Variants in PIK3C2B observed in about 807,000 individuals in gnomAD.
PIK3C2B encodes the protein phosphatidylinositol-4-phosphate 3-kinase catalytic subunit type 2 beta.
A neutral mutation model predicts 184.3 loss-of-function variants in PIK3C2B; 83 were observed. The ratio of observed to expected loss-of-function variants is 0.45; its 90% confidence interval spans 0.38 to 0.54. PIK3C2B has a LOEUF of 0.54. PIK3C2B is among the 20% of genes least tolerant of loss of function. The pLI, the probability that PIK3C2B is intolerant of heterozygous loss-of-function variation, is 0.00. For synonymous variants in PIK3C2B, 779 were observed against 837.6 expected, an observed-to-expected ratio of 0.93 and a Z score of 1.21; for missense variants, 1,736 against 2,113.5, an observed-to-expected ratio of 0.82 and a Z score of 3.50.
In PIK3C2B at chr1:204,440,333, G is replaced by A. The variant is rs1202167199; in HGVS notation, c.3250-12C>T. ...AGGTCGTCCCCACACTGGATGGAGG[G>A]AGAAAGTGACCAGATCTAATCTCCA... On this transcript the variant is annotated splice_polypyrimidine_tract_variant and intron_variant, in intron 21 of 32. Transcript: ENST00000684373. 1.9e-6 allele frequency: 3 copies of A among 1,573,312 alleles called. No individual in the cohort carries two copies. Among genetic ancestry groups the A allele is most frequent in the Non-Finnish European group, 1.7e-6 (2 of 1,158,810 alleles).
chr1:204,440,912 C>G (rs1209761564), intron 21 of PIK3C2B, among the ~76,000 whole-genome samples: 1 of 152,122 alleles, frequency 6.6e-6, no homozygotes, highest in Non-Finnish European at 1.5e-5. Flanking sequence ...CACACCCAGG[C>G]CATCAGGCCT....
chr1:204,479,980 G>A (rs1369318169), intron 1 of PIK3C2B, among the ~76,000 whole-genome samples: 4 of 152,204 alleles, frequency 2.6e-5, no homozygotes, highest in Admixed American at 6.5e-5. Context: ...GAGAGGCCAC[G>A]GCAGAGGAGC....
chr1:204,456,909 CACACACACACACACA>C, intron 10 of PIK3C2B, 113 bp downstream of exon 10: 1 of 161,186 alleles, frequency 6.2e-6, no homozygotes, highest in African/African-American at 3.1e-5. Context: ...CACACACACC[CACACACACACACACA>C]CCAGCCGAAC....
intron 18 of PIK3C2B, 99 bp downstream of exon 18, chr1:204,443,969 C>G: frequency 2.4e-6 from 2 of 846,430 alleles, no homozygotes; most frequent in South Asian, 2.8e-5. Context: ...CATACTGAAG[C>G]CCGGACAACT....
chr1:204,472,203 G>A (rs907289958), intron 1 of PIK3C2B, among the ~76,000 whole-genome samples: 19 of 147,902 alleles, frequency 1.3e-4, no homozygotes, highest in East Asian at 2.0e-4. Context: ...TCACTCTGTC[G>A]CCCAGGCTGG....
At chr1:204,480,957 T>C (rs774961270) in intron 1 of PIK3C2B, among the ~76,000 whole-genome samples, 42 of 152,076 alleles carry the variant, frequency 2.8e-4, no homozygotes, top group Non-Finnish European at 7.4e-5. Context: ...CAGTTAATGC[T>C]AACTCCTCAA....
At chr1:204,437,133 A>G (rs1675386863) in intron 23 of PIK3C2B, among the ~76,000 whole-genome samples, 1 of 152,114 alleles carries the variant, frequency 6.6e-6, no homozygotes, top group Non-Finnish European at 1.5e-5. Context: ...CTGGATTATA[A>G]AAGGCTCTGT....
Position 204,469,161 on chromosome 1 carries a change from C to T in PIK3C2B, c.642G>A (p.Leu214=). The change falls in exon 2 of 33, where the codon CTG becomes CTA. Residue 214 remains leucine, a synonymous_variant. Transcript: ENST00000684373. ...EHRILEEEEV[L]GGGGQGRLLG... Reference sequence around the variant, plus strand: ...GTAGGCGCCCCTGACCCCCACCTCCCAGCACCTCTTCCTCTTCTAGGATCC... The same window carrying T: ...GTAGGCGCCCCTGACCCCCACCTCCTAGCACCTCTTCCTCTTCTAGGATCC... 8 of 1,614,174 alleles carry T rather than the reference C, an allele frequency of 5.0e-6. No individual in the cohort carries two copies. The highest frequency in any genetic ancestry group is 6.8e-6 in the Non-Finnish European group (8 of 1,180,010).
rs1014765549 is a variant in PIK3C2B at position 204,460,607 on chromosome 1, A to C, written c.1365T>G (p.Ile455Met). 6.2e-7 allele frequency: 1 copy of C among 1,614,062 alleles called. No individual in the cohort carries two copies. Among genetic ancestry groups the C allele is most frequent in the African/African-American group, 1.3e-5 (1 of 75,002 alleles). The stretch of plus-strand genomic sequence containing the variant: ...GCTCCATCAGCTGTAGCCGAATGTC[A>C]ATGTCAAACTTGCGGCAGTATTGGA... ...EYIQYCRKFD[I>M]DIRLQLMEQK... is the part of the protein sequence containing the mutation. The change falls in exon 6 of 33, where the codon ATT becomes ATG. Residue 455 changes from isoleucine (I) to methionine (M), a missense_variant. This residue lies in a region of PIK3C2B where 609 missense variants were observed against 699.2 expected (regional missense o/e 0.87). Transcript: ENST00000684373.
rs1039489677 is a variant in PIK3C2B at position 204,423,005 on chromosome 1, G to C, written c.*1847C>G. ...TGATCCTTGGAATTAGGGAGGGACA[G>C]TTTACAGAATGTCCTCATTTCACTC... On this transcript the variant is annotated 3_prime_UTR_variant, in exon 33 of 33. Transcript: ENST00000684373. 1 of 152,248 alleles carries C rather than the reference G, an allele frequency of 6.6e-6. No individual in the cohort carries two copies. The highest frequency in any genetic ancestry group is 1.5e-5 in the Non-Finnish European group (1 of 68,046). 9.4% of individuals were successfully genotyped at this position (152,248 alleles called of 1,614,324 possible). A position where few individuals can be genotyped will look rare whatever the true frequency, so the allele number is the denominator to read the frequency against.
In PIK3C2B at chr1:204,469,021, C is replaced by T. The variant is rs754614198; in HGVS notation, c.782G>A (p.Gly261Glu). Residue 261 changes from glycine (G) to glutamate (E), a missense_variant, in exon 2 of 33, where the codon GGG becomes GAG. By Grantham distance (98) the Gly-to-Glu change is moderately conservative (BLOSUM62 -2). Transcript: ENST00000684373. ...DATRGWKEGR[G>E]PLDFSKDTSG... ...GGTGTCTTTGCTGAAGTCCAGCGGC[C>T]CTCGGCCCTCCTTCCAGCCCCTGGT... is the stretch of plus-strand genomic sequence containing the variant. 1 of 1,614,186 alleles carries T rather than the reference C, an allele frequency of 6.2e-7. No homozygotes were observed. The highest frequency in any genetic ancestry group is 1.7e-5 in the Admixed American group (1 of 60,028).
At chr1:204,454,039 C>T (rs74849463) in intron 12 of PIK3C2B, among the ~76,000 whole-genome samples, 26,602 of 151,588 alleles carry the variant, frequency 0.18, 2,625 homozygotes, top group East Asian at 0.41. Context: ...CCTCCCAAAG[C>T]GCTGGGATTA....
At chr1:204,450,183 C>CA in intron 12 of PIK3C2B, 166 bp from the exon 13 acceptor site, 2 of 577,954 alleles carry the variant, frequency 3.5e-6, no homozygotes, top group Non-Finnish European at 6.0e-6. Context: ...GGAGAGGTCC[C>CA]AAACTAGGCA....
Position 204,431,536 on chromosome 1 carries a change from C to T in PIK3C2B, c.4280+133G>A. ...GAGCACTTGTCATCAAACTCCATAC[C>T]AGGCCAAGCAAAGCAGGCAGATGTT... On this transcript the variant is annotated intron_variant, in intron 28 of 32. Coordinates refer to ENST00000684373, the MANE Select transcript of PIK3C2B (RefSeq NM_001377334.1). 2.6e-6 allele frequency: 3 copies of T among 1,134,624 alleles called. No homozygotes were observed. The South Asian group carries it at 4.1e-5, about 15-fold the overall frequency. 70.3% of individuals were successfully genotyped at this position (1,134,624 alleles called of 1,614,324 possible).
In PIK3C2B at chr1:204,465,312, G is replaced by A. The variant is rs1655667714; in HGVS notation, c.941C>T (p.Ser314Phe). 3 of 1,610,514 alleles carry A rather than the reference G, an allele frequency of 1.9e-6. No homozygotes were observed. Among genetic ancestry groups the A allele is most frequent in the Admixed American group, 1.7e-5 (1 of 60,004 alleles). ...GCCATTGGCAACAGTGTGGGGCCGG[G>A]AGCCCACCTTTAAGAGAAGAGCAGA... ...NRRISAAPVG[S>F]RPHTVANGHE... Residue 314 changes from serine to phenylalanine, a missense_variant, in exon 3 of 33, where the codon TCC (serine) becomes TTC (phenylalanine). Ser to Phe is a radical substitution (Grantham distance 155, BLOSUM62 -2). Coordinates refer to ENST00000684373, the MANE Select transcript of PIK3C2B (RefSeq NM_001377334.1).
chr1:204,474,508 G>A (rs989427284), intron 1 of PIK3C2B, among the ~76,000 whole-genome samples: 1 of 152,206 alleles, frequency 6.6e-6, no homozygotes, highest in Non-Finnish European at 1.5e-5. Context: ...CATTGCTGCT[G>A]TATTTGGCTC....
chr1:204,469,803 G>A lies in PIK3C2B; in HGVS notation c.-1C>T. 1 of 1,606,356 alleles carries A rather than the reference G, an allele frequency of 6.2e-7. No individual in the cohort carries two copies. The highest frequency in any genetic ancestry group is 8.5e-7 in the Non-Finnish European group (1 of 1,172,964). ...CCCCATTGCCCTGAGTCGAAGACATGGTGAGGATGGGGGACACAGGCAACA... is the reference window on the plus strand; with the variant it reads ...CCCCATTGCCCTGAGTCGAAGACATAGTGAGGATGGGGGACACAGGCAACA... On this transcript the variant is annotated 5_prime_UTR_variant, in exon 2 of 33. Transcript: ENST00000684373.
At chr1:204,463,014 T>G (rs779741819) in intron 5 of PIK3C2B, among the ~76,000 whole-genome samples, 2 of 152,112 alleles carry the variant, frequency 1.3e-5, no homozygotes, top group Non-Finnish European at 2.9e-5. Flanking sequence ...CTGAGTGAGA[T>G]GGCGCCACAG....
chr1:204,464,439 CACTA>C lies in PIK3C2B; in HGVS notation c.1189+7_1189+10del, dbSNP rs775369464. On this transcript the variant is annotated splice_region_variant and intron_variant, in intron 4 of 32. Transcript: ENST00000684373. ...GGGATGCTCACATCCTCTCCCCCCT[CACTA>C]ACTTACAGTTGCAGGTGAAAGTGAG... 10 of 1,611,292 alleles carry C rather than the reference CACTA, an allele frequency of 6.2e-6. No individual in the cohort carries two copies. Among genetic ancestry groups the C allele is most frequent in the East Asian group, 4.5e-5 (2 of 44,858 alleles).
Sources: gnomAD v4.1 joint callset for allele counts (sites outside exome capture counted in the v4.1 genomes callset) on GRCh38, gnomAD v4.1.1 for gene constraint, gnomAD v4.1.1 regional missense constraint, MANE v1.5 for transcripts, NCBI Gene and HGNC (gene_info 2026-07-23, HGNC 2026-07-21) for gene names.